Variants in AOPEP observed in about 807,000 individuals in gnomAD.
AOPEP encodes aminopeptidase O.
In AOPEP, 77 loss-of-function variants were observed where a neutral mutation model predicts 98.1. That is an observed-to-expected ratio of 0.78 (90% confidence interval 0.65 to 0.95). AOPEP has a LOEUF of 0.95. AOPEP is among the 40% of genes least tolerant of loss of function. The pLI, the probability that AOPEP is intolerant of heterozygous loss-of-function variation, is 0.00. For missense variants in AOPEP, 1,024 were observed against 1,024.7 expected (o/e 1.00, Z 0.01); for synonymous variants, 346 against 365.3 (o/e 0.95, Z 0.60).
the AOPEP span, among the ~76,000 whole-genome samples, chr9:95,148,847 T>C: frequency 6.6e-6 from 1 of 152,230 alleles, no homozygotes; most frequent in Non-Finnish European, 1.5e-5. Flanking sequence ...AAAATGACCA[T>C]TTTCAAATTT....
intron 1 of AOPEP, among the ~76,000 whole-genome samples, chr9:94,756,234 C>T (rs1182980749): frequency 4.2e-4 from 57 of 136,420 alleles, no homozygotes; most frequent in African/African-American, 1.4e-3. Flanking sequence ...GGTGACAGAG[C>T]AAGACTCTGT....
At chr9:94,958,006 C>A (rs79533567) in intron 9 of AOPEP, among the ~76,000 whole-genome samples, 4,340 of 152,176 alleles carry the variant, frequency 0.029, 226 homozygotes, top group African/African-American at 0.099. Context: ...TTACCACCAT[C>A]CATCTCCCAT....
intron 3 of AOPEP, among the ~76,000 whole-genome samples, chr9:94,783,090 G>A (rs936982186): frequency 1.3e-5 from 2 of 152,218 alleles, no homozygotes; most frequent in African/African-American, 4.8e-5. Flanking sequence ...AGCTGATCCA[G>A]CTTAAGGGGA....
intron 5 of AOPEP, among the ~76,000 whole-genome samples, chr9:94,835,339 A>G (rs370140162): frequency 7.9e-5 from 12 of 152,140 alleles, no homozygotes; most frequent in African/African-American, 2.7e-4. Context: ...GCTTTGGCTC[A>G]TCTGTTGTCC....
intron 5 of AOPEP, among the ~76,000 whole-genome samples, chr9:94,895,046 C>G (rs962519345): frequency 2.0e-5 from 3 of 150,184 alleles, no homozygotes; most frequent in East Asian, 1.9e-4. Flanking sequence ...AACTCTCTCT[C>G]TGTGTGTTTG....
At chr9:94,829,838 G>T (rs1348058315) in intron 5 of AOPEP, among the ~76,000 whole-genome samples, 1 of 152,110 alleles carries the variant, frequency 6.6e-6, no homozygotes, top group African/African-American at 2.4e-5. Flanking sequence ...AGCAATTGGT[G>T]GTTTAGTTAC....
At chr9:95,131,434 T>G in the AOPEP span, among the ~76,000 whole-genome samples, 1 of 152,212 alleles carries the variant, frequency 6.6e-6, no homozygotes. Context: ...CCTTCATCTC[T>G]GGCCACAAGG....
At chr9:95,029,840 T>G (rs111812134) in intron 13 of AOPEP, among the ~76,000 whole-genome samples, 20 of 152,288 alleles carry the variant, frequency 1.3e-4, no homozygotes, top group African/African-American at 4.8e-4. Flanking sequence ...GTAGTGCTTG[T>G]CCTGGGAGAT....
At chr9:95,123,548 C>A in the AOPEP span, 2 of 535,194 alleles carry the variant, frequency 3.7e-6, no homozygotes, top group South Asian at 1.4e-5. Flanking sequence ...GAACAACGGT[C>A]GTACCAAAAA....
chr9:95,132,832 C>T, the AOPEP span, among the ~76,000 whole-genome samples: 1 of 152,160 alleles, frequency 6.6e-6, no homozygotes, highest in African/African-American at 2.4e-5. Flanking sequence ...ACAACCTGTA[C>T]CACACTTTTA....
At chr9:94,829,216 A>T (rs550765369) in intron 5 of AOPEP, among the ~76,000 whole-genome samples, 1 of 152,000 alleles carries the variant, frequency 6.6e-6, no homozygotes, top group African/African-American at 2.4e-5. Context: ...ACACACACGC[A>T]CACGCACACA....
At chr9:94,728,239 G>GCGCGCGCACACACACACACACACA (rs113657409) in intron 1 of AOPEP, among the ~76,000 whole-genome samples, 1 of 146,512 alleles carries the variant, frequency 6.8e-6, no homozygotes, top group Non-Finnish European at 1.5e-5. Flanking sequence ...GTGCGCGCAT[G>GCGCGCGCACACACACACACACACA]CACACACACA....
intron 7 of AOPEP, chr9:94,934,983 T>C (rs1016861376): frequency 6.6e-6 from 1 of 152,238 alleles, no homozygotes; most frequent in Admixed American, 6.5e-5. Context: ...TATTAGGAAT[T>C]GTTCTGATAC....
intron 14 of AOPEP, among the ~76,000 whole-genome samples, chr9:95,071,095 A>AC (rs2068455636): frequency 1.3e-5 from 2 of 152,170 alleles, no homozygotes; most frequent in African/African-American, 4.8e-5. Context: ...AGAAGGAAAA[A>AC]CCCAAAGTAA....
At chr9:95,004,367 A>G (rs1306422694) in intron 11 of AOPEP, 4 of 442,538 alleles carry the variant, frequency 9.0e-6, no homozygotes, top group Non-Finnish European at 1.8e-5. Flanking sequence ...CTGGGGGTCC[A>G]CGGCAGTCTG....
chr9:94,991,349 T>C (rs1673474966), intron 11 of AOPEP, among the ~76,000 whole-genome samples: 1 of 152,230 alleles, frequency 6.6e-6, no homozygotes, highest in Non-Finnish European at 1.5e-5. Context: ...TATTAGTTTT[T>C]TCTGGTATTG....
chr9:95,005,010 G>C (rs1267795055), intron 11 of AOPEP, 148 bp from the exon 12 acceptor site: 5 of 182,984 alleles, frequency 2.7e-5, no homozygotes, highest in African/African-American at 9.7e-5. Context: ...GACCCCGGGC[G>C]GGCGCAGGGC....
intron 13 of AOPEP, among the ~76,000 whole-genome samples, chr9:95,018,468 T>C (rs1279497599): frequency 6.6e-6 from 1 of 152,242 alleles, no homozygotes; most frequent in African/African-American, 2.4e-5. Context: ...GGAATCTAAA[T>C]GTCTCACCCG....
At chr9:95,112,730 G>A in the AOPEP span, among the ~76,000 whole-genome samples, 2 of 152,168 alleles carry the variant, frequency 1.3e-5, no homozygotes, top group Non-Finnish European at 2.9e-5. Context: ...ATCAGAGACC[G>A]GTCTGGTCCT....
Sources: gnomAD v4.1 joint callset for allele counts (sites outside exome capture counted in the v4.1 genomes callset) on GRCh38, gnomAD v4.1.1 for gene constraint, MANE v1.5 for transcripts, NCBI Gene and HGNC (gene_info 2026-07-23, HGNC 2026-07-21) for gene names.